OSTM1: variants seen among roughly 807,000 people sequenced by gnomAD.
OSTM1 encodes the protein osteoclastogenesis associated transmembrane protein 1, also known as osteopetrosis-associated transmembrane protein 1.
OSTM1 carries 26 observed loss-of-function variants against 35.4 expected under a neutral mutation model. That is an observed-to-expected ratio of 0.73 (90% CI 0.54 to 1.02). The LOEUF is 1.02. Ranked by LOEUF, OSTM1 falls within the 50% of genes least tolerant of loss-of-function variation. The pLI, the probability that OSTM1 is intolerant of heterozygous loss-of-function variation, is 0.00. For synonymous variants in OSTM1, 181 were observed against 165.0 expected, an observed-to-expected ratio of 1.10 and a Z score of -0.75; for missense variants, 366 against 409.6, an observed-to-expected ratio of 0.89 and a Z score of 0.92.
intron 1 of OSTM1, among the ~76,000 whole-genome samples, chr6:108,071,551 G>A (rs1772486084): frequency 6.8e-6 from 1 of 148,056 alleles, no homozygotes; most frequent in African/African-American, 2.5e-5. Context: ...GGCCTCAGGT[G>A]ATCTGCCTGC....
At chr6:108,047,925 A>G (rs1210968189) in intron 5 of OSTM1, among the ~76,000 whole-genome samples, 2 of 152,218 alleles carry the variant, frequency 1.3e-5, no homozygotes, top group East Asian at 3.8e-4. Flanking sequence ...AAAGTATACC[A>G]AGCTCTGAAA....
Position 108,055,704 on chromosome 6 carries a change from C to G in OSTM1, c.518-1117G>C, listed in dbSNP as rs2114598001. Among the ~76,000 whole-genome samples, 3 of 152,280 alleles carry G rather than the reference C, an allele frequency of 2.0e-5. No homozygotes were observed. The Middle Eastern group carries it at 0.01, about 522-fold the overall frequency. On this transcript the variant is annotated intron_variant, in intron 2 of 5. Transcript: ENST00000193322. ...ACAGTCCCCATCTACTTTCTGTACT[C>G]TCAGTCTGGTTACAGAATACTACTA...
chr6:108,074,577 C>G lies in OSTM1; in HGVS notation c.75G>C (p.Trp25Cys). 1 of 1,565,958 alleles carries G rather than the reference C, an allele frequency of 6.4e-7. No homozygotes were observed. The highest frequency in any genetic ancestry group is 8.6e-7 in the Non-Finnish European group (1 of 1,159,574). Residue 25 changes from tryptophan to cysteine, a missense_variant, in exon 1 of 6, where the codon TGG (tryptophan) becomes TGC (cysteine). This residue lies in a region of OSTM1 where 236 missense variants were observed against 239.3 expected (regional missense o/e 0.99). Coordinates refer to ENST00000193322, the MANE Select transcript of OSTM1 (RefSeq NM_014028.4). ...PPWLPLGLLL[W>C]SGLALGALPF... The stretch of plus-strand genomic sequence containing the variant: ...GGAGCGCGCCCAGGGCCAGCCCCGA[C>G]CACAGCAGCAGCCCCAGCGGCAGCC...
intron 5 of OSTM1, among the ~76,000 whole-genome samples, chr6:108,045,176 T>A (rs1429061322): frequency 6.6e-6 from 1 of 152,150 alleles, no homozygotes; most frequent in Non-Finnish European, 1.5e-5. Context: ...AACAAAATTA[T>A]ACATCTAAAA....
intron 1 of OSTM1, among the ~76,000 whole-genome samples, chr6:108,068,858 CT>C (rs1287438719): frequency 1.3e-5 from 2 of 152,192 alleles, no homozygotes; most frequent in Non-Finnish European, 2.9e-5. Context: ...TTAACATACC[CT>C]ACAAGGCCCA....
At chr6:108,071,252 C>T (rs1401976644) in intron 1 of OSTM1, among the ~76,000 whole-genome samples, 1 of 151,592 alleles carries the variant, frequency 6.6e-6, no homozygotes, top group Admixed American at 6.6e-5. Context: ...CAAGAGACAA[C>T]TAATTCCTTC....
chr6:108,058,044 C>CTTTTT (rs761751778), intron 2 of OSTM1, among the ~76,000 whole-genome samples: 6 of 121,562 alleles, frequency 4.9e-5, no homozygotes, highest in African/African-American at 9.6e-5. Context: ...AAGAGTCAAT[C>CTTTTT]TTTTTTTTTT....
At chr6:108,066,392 A>G (rs1172764656) in intron 1 of OSTM1, among the ~76,000 whole-genome samples, 1 of 152,186 alleles carries the variant, frequency 6.6e-6, no homozygotes, top group Non-Finnish European at 1.5e-5. Flanking sequence ...TTTAATCCTC[A>G]TAACAACTCT....
chr6:108,062,424 A>G (rs1170759240), intron 2 of OSTM1, among the ~76,000 whole-genome samples: 1 of 152,190 alleles, frequency 6.6e-6, no homozygotes, highest in Non-Finnish European at 1.5e-5. Context: ...TTTCCATTTA[A>G]TATTTTTGGA....
Position 108,051,165 on chromosome 6 carries a change from A to C in OSTM1, c.649T>G (p.Tyr217Asp). 6.2e-7 allele frequency: 1 copy of C among 1,613,576 alleles called. No homozygotes were observed. Among genetic ancestry groups the C allele is most frequent in the Non-Finnish European group, 8.5e-7 (1 of 1,179,646 alleles). Residue 217 changes from tyrosine to aspartate, a missense_variant, in exon 4 of 6, where the codon TAT (tyrosine) becomes GAT (aspartate). Physicochemically the swap from Tyr to Asp is radical, Grantham distance 160. This residue lies in a region of OSTM1 where 125 missense variants were observed against 151.7 expected (regional missense o/e 0.82). Transcript: ENST00000193322. Reference protein sequence around the residue: ...NAHSLLQTKNYSEVCKNCREA... With the variant: ...NAHSLLQTKNDSEVCKNCREA... The stretch of plus-strand genomic sequence containing the variant: ...CGGCAGTTTTTGCATACTTCTGAAT[A>C]ATTTTTTGTCTGTAAAAGACTATGT...
intron 2 of OSTM1, among the ~76,000 whole-genome samples, chr6:108,056,459 C>T (rs945682296): frequency 1.3e-5 from 2 of 152,212 alleles, no homozygotes; most frequent in Non-Finnish European, 2.9e-5. Flanking sequence ...TGCCTACTCC[C>T]TCCACTACCC....
At chr6:108,069,139 T>A (rs1772436879) in intron 1 of OSTM1, among the ~76,000 whole-genome samples, 1 of 152,246 alleles carries the variant, frequency 6.6e-6, no homozygotes, top group South Asian at 2.1e-4. Context: ...CTGGGTTTTT[T>A]AATCAGCAAC....
intron 4 of OSTM1, 196 bp from the exon 5 acceptor site, chr6:108,049,614 T>C (rs111818021): frequency 1.5e-6 from 2 of 1,333,390 alleles, no homozygotes. Flanking sequence ...TGTAGAAATT[T>C]ATATCCATAC....
Position 108,074,564 on chromosome 6 carries a change from G to A in OSTM1, c.88C>T (p.Leu30=), listed in dbSNP as rs1343688135. 39 of 1,560,592 alleles carry A rather than the reference G, an allele frequency of 2.5e-5. No homozygotes were observed. Among genetic ancestry groups the A allele is most frequent in the Non-Finnish European group, 3.4e-5 (39 of 1,155,880 alleles). ...LGLLLWSGLA[L]GALPFGSSPH... is the part of the protein sequence containing the mutation. ...CTGCTGCCGAAGGGGAGCGCGCCCA[G>A]GGCCAGCCCCGACCACAGCAGCAGC... is the stretch of plus-strand genomic sequence containing the variant. Residue 30 remains leucine, a synonymous_variant, in exon 1 of 6, where the codon CTG becomes TTG. Transcript: ENST00000193322.
chr6:108,048,148 C>A (rs1407739286), intron 5 of OSTM1, among the ~76,000 whole-genome samples: 1 of 151,926 alleles, frequency 6.6e-6, no homozygotes, highest in Non-Finnish European at 1.5e-5. Flanking sequence ...TACAGGTAAC[C>A]TTTTTTTAAA....
At position 108,060,400 on chromosome 6, in the gene OSTM1, C is replaced by T. The variant is rs1267424798; in HGVS notation, c.517+3785G>A. On this transcript the variant is annotated intron_variant, in intron 2 of 5. Coordinates refer to ENST00000193322, the MANE Select transcript of OSTM1 (RefSeq NM_014028.4). ...AACTGGGGAAAAAAGGTCTGTACTT[C>T]GAATTAGTGAAATCTTTTTTACAAA... 2.0e-5 allele frequency among the ~76,000 whole-genome samples: 3 copies of T among 152,156 alleles called. 1 individual carries two copies. The highest frequency in any genetic ancestry group is 4.1e-4 in the South Asian group (2 of 4,826).
intron 2 of OSTM1, among the ~76,000 whole-genome samples, chr6:108,061,249 C>T (rs568970151): frequency 6.6e-6 from 1 of 152,208 alleles, no homozygotes; most frequent in East Asian, 1.9e-4. Flanking sequence ...GCTGGGGCTT[C>T]TTATCCCATT....
At chr6:108,065,659 C>A (rs117312388) in intron 1 of OSTM1, among the ~76,000 whole-genome samples, 1 of 152,290 alleles carries the variant, frequency 6.6e-6, no homozygotes, top group Non-Finnish European at 1.5e-5. Flanking sequence ...AGGGGTCCTA[C>A]AGTTACTGTA....
At chr6:108,067,827 C>CCAAAA (rs1562376231) in intron 1 of OSTM1, among the ~76,000 whole-genome samples, 51 of 53,500 alleles carry the variant, frequency 9.5e-4, no homozygotes, top group Non-Finnish European at 1.4e-3. Flanking sequence ...GAGCCTCTGT[C>CCAAAA]TAAAAAAAAA....
Sources: gnomAD v4.1 joint callset for allele counts (sites outside exome capture counted in the v4.1 genomes callset) on GRCh38, gnomAD v4.1.1 for gene constraint, gnomAD v4.1.1 regional missense constraint, MANE v1.5 for transcripts, NCBI Gene and HGNC (gene_info 2026-07-23, HGNC 2026-07-21) for gene names.